LRRTM3: variants seen among roughly 807,000 people sequenced by gnomAD.
LRRTM3 encodes the protein leucine rich repeat transmembrane neuronal 3, also known as leucine-rich repeat transmembrane neuronal protein 3.
LRRTM3 carries 24 observed loss-of-function variants against 44.7 expected under a neutral mutation model. That is an observed-to-expected ratio of 0.54 (90% CI 0.39 to 0.76). The LOEUF is 0.76. Among genes scored for constraint, LRRTM3 ranks in the 30% least tolerant of loss-of-function variants. The pLI is 0.00. For synonymous variants in LRRTM3, 277 were observed against 278.7 expected (o/e 0.99, Z 0.06); for missense variants, 587 against 702.2 (o/e 0.84, Z 1.85).
At chr10:67,043,660 C>T in intron 2 of LRRTM3, among the ~76,000 whole-genome samples, 1 of 152,084 alleles carries the variant, frequency 6.6e-6, no homozygotes, top group Non-Finnish European at 1.5e-5. Context: ...CCAATTCTTG[C>T]AGTAATGCCT....
chr10:67,006,546 T>C lies in LRRTM3; in HGVS notation c.1536+78094T>C, dbSNP rs372215279. 2.2e-4 allele frequency among the ~76,000 whole-genome samples: 8 copies of C among 35,892 alleles called. No individual in the cohort carries two copies. In the South Asian group the frequency reaches 0.01, roughly 45 times the overall value. The allele number at this position is 35,892 out of a possible 152,430, so 23.5% of individuals were successfully genotyped here. A position where few individuals can be genotyped will look rare whatever the true frequency, so the allele number is the denominator to read the frequency against. On this transcript the variant is annotated intron_variant, in intron 2 of 2. Transcript: ENST00000361320. Reference sequence around the variant, plus strand: ...ATCCCCCAGATGTTTTCTATTCTCTTATAACTTCAACCTCTACCTGCTAAA... The same window carrying C: ...ATCCCCCAGATGTTTTCTATTCTCTCATAACTTCAACCTCTACCTGCTAAA...
intron 2 of LRRTM3, among the ~76,000 whole-genome samples, chr10:67,003,480 C>A (rs868106378): frequency 1.3e-5 from 2 of 152,178 alleles, no homozygotes; most frequent in Non-Finnish European, 2.9e-5. Context: ...AGATCGAATA[C>A]TTTTGGGAAA....
chr10:67,035,727 TACATC>T (rs1854005560), intron 2 of LRRTM3, among the ~76,000 whole-genome samples: 1 of 152,176 alleles, frequency 6.6e-6, no homozygotes, highest in Non-Finnish European at 1.5e-5. Flanking sequence ...ATCAGCTGAG[TACATC>T]ACAGAAATGC....
chr10:66,936,027 C>T lies in LRRTM3; in HGVS notation c.1536+7575C>T, dbSNP rs978460811. 2.6e-5 allele frequency among the ~76,000 whole-genome samples: 4 copies of T among 152,226 alleles called. No individual in the cohort carries two copies. The East Asian group carries it at 7.7e-4, about 29-fold the overall frequency. On this transcript the variant is annotated intron_variant, in intron 2 of 2. Coordinates refer to ENST00000361320, the MANE Select transcript of LRRTM3 (RefSeq NM_178011.5). ...AAGTCTAATCTGCCAGTATAGTGTT[C>T]CTTCCAGCCTGTGGCACCCACTCCA...
Position 67,097,796 on chromosome 10 carries a change from A to T in LRRTM3, c.1746A>T (p.Ter582TyrextTer14). The change falls in exon 3 of 3, where the codon TAA becomes TAT. Residue 582 changes from the stop codon to tyrosine (Y), a stop_lost. Transcript: ENST00000361320. ...RISDHKQQLA[*>Y] ...GTGACCATAAACAGCAGCTAGCTTAACTGAGATCATTGGTAGCCAGGGGTT... is the reference window on the plus strand; with the variant it reads ...GTGACCATAAACAGCAGCTAGCTTATCTGAGATCATTGGTAGCCAGGGGTT... 1 of 1,612,044 alleles carries T rather than the reference A, an allele frequency of 6.2e-7. No homozygotes were observed. Among genetic ancestry groups the T allele is most frequent in the Non-Finnish European group, 8.5e-7 (1 of 1,178,642 alleles).
At chr10:66,986,499 T>A (rs139461459) in intron 2 of LRRTM3, among the ~76,000 whole-genome samples, 2 of 54,464 alleles carry the variant, frequency 3.7e-5, no homozygotes, top group Admixed American at 3.2e-4. Flanking sequence ...TCCATCTTGC[T>A]AAACTAAACT....
chr10:66,958,206 T>C (rs976024837), intron 2 of LRRTM3, among the ~76,000 whole-genome samples: 38 of 151,460 alleles, frequency 2.5e-4, no homozygotes, highest in African/African-American at 8.7e-4. Context: ...AAATAAATAT[T>C]CTAATTGGCC....
chr10:67,074,136 G>C (rs888013569), intron 2 of LRRTM3, among the ~76,000 whole-genome samples: 1 of 146,964 alleles, frequency 6.8e-6, no homozygotes, highest in African/African-American at 2.5e-5. Context: ...GAGTTGAAGA[G>C]ATCCTCCTTC....
intron 2 of LRRTM3, among the ~76,000 whole-genome samples, chr10:67,003,531 C>A (rs998354493): frequency 6.6e-6 from 1 of 152,204 alleles, no homozygotes; most frequent in Non-Finnish European, 1.5e-5. Flanking sequence ...TTCTCCTAAT[C>A]TATTCATATA....
At chr10:66,944,759 T>C (rs756956464) in intron 2 of LRRTM3, among the ~76,000 whole-genome samples, 1 of 152,166 alleles carries the variant, frequency 6.6e-6, no homozygotes, top group Non-Finnish European at 1.5e-5. Flanking sequence ...AATTATTCCC[T>C]GATTCATAGG....
At chr10:67,044,464 G>A (rs2133159194) in intron 2 of LRRTM3, among the ~76,000 whole-genome samples, 1 of 152,098 alleles carries the variant, frequency 6.6e-6, no homozygotes, top group South Asian at 2.1e-4. Context: ...AAAATGGATT[G>A]TCTAAAATTT....
chr10:66,978,552 A>AAAAATATATAT lies in LRRTM3; in HGVS notation c.1536+50101_1536+50102insAAATATATATA. Among the ~76,000 whole-genome samples, 43 of 37,884 alleles carry AAAAATATATAT rather than the reference A, an allele frequency of 1.1e-3. 2 individuals are homozygous for AAAAATATATAT. Among genetic ancestry groups the AAAAATATATAT allele is most frequent in the Non-Finnish European group, 1.7e-3 (35 of 20,632 alleles). The allele number at this position is 37,884 out of a possible 152,430, so 24.9% of individuals were successfully genotyped here. A position where few individuals can be genotyped will look rare whatever the true frequency, so the allele number is the denominator to read the frequency against. ...AAAAAAAAAAAAAAAAAAAAAAAAA[A>AAAAATATATAT]ATATATATATATATATATAGTATGG... On this transcript the variant is annotated intron_variant, in intron 2 of 2. Coordinates refer to ENST00000361320, the MANE Select transcript of LRRTM3 (RefSeq NM_178011.5).
chr10:66,959,062 C>A (rs138716059), intron 2 of LRRTM3, among the ~76,000 whole-genome samples: 269 of 152,198 alleles, frequency 1.8e-3, no homozygotes, highest in African/African-American at 4.8e-3. Flanking sequence ...TCCTGCCAAG[C>A]GCTGGTATCC....
intron 2 of LRRTM3, among the ~76,000 whole-genome samples, chr10:66,958,811 G>C (rs1017428010): frequency 2.0e-5 from 3 of 152,120 alleles, no homozygotes; most frequent in African/African-American, 7.2e-5. Context: ...ACTGCTCAAA[G>C]AAGAAGGAAA....
At chr10:66,934,567 T>G (rs889739983) in intron 2 of LRRTM3, among the ~76,000 whole-genome samples, 1 of 152,080 alleles carries the variant, frequency 6.6e-6, no homozygotes, top group African/African-American at 2.4e-5. Context: ...GATTTGCAAT[T>G]GAAAAAACAG....
chr10:67,097,149 G>T (rs1858047811), intron 2 of LRRTM3, among the ~76,000 whole-genome samples: 1 of 151,640 alleles, frequency 6.6e-6, no homozygotes, highest in African/African-American at 2.4e-5. Flanking sequence ...AGAAGTGGGT[G>T]GTGATTTTTG....
chr10:67,069,707 C>A (rs558171905), intron 2 of LRRTM3, among the ~76,000 whole-genome samples: 327 of 152,054 alleles, frequency 2.2e-3, no homozygotes, highest in African/African-American at 7.3e-3. Flanking sequence ...TGTTGTGTCT[C>A]ACTCAACATT....
chr10:67,037,646 A>G (rs1401809927), intron 2 of LRRTM3, among the ~76,000 whole-genome samples: 2 of 152,168 alleles, frequency 1.3e-5, no homozygotes, highest in African/African-American at 4.8e-5. Context: ...ACACTAACAG[A>G]GGGTGAGGAA....
chr10:67,062,186 C>A (rs530950662), intron 2 of LRRTM3, among the ~76,000 whole-genome samples: 2 of 115,798 alleles, frequency 1.7e-5, no homozygotes, highest in South Asian at 5.1e-4. Context: ...TAGATAAGAA[C>A]GTTAAAACCC....
Sources: allele counts gnomAD v4.1 joint callset (sites outside exome capture counted in the v4.1 genomes callset), GRCh38; gene constraint gnomAD v4.1.1; transcripts MANE v1.5; gene names NCBI Gene and HGNC (gene_info 2026-07-23, HGNC 2026-07-21).